Variants in HSPA12A observed in about 807,000 individuals in gnomAD.
HSPA12A encodes the protein heat shock 70 kDa protein 12A.
HSPA12A carries 28 observed loss-of-function variants against 69.2 expected under a neutral mutation model. The observed-to-expected ratio is 0.40, with a 90% confidence interval of 0.30 to 0.55. HSPA12A has a LOEUF of 0.55. Ranked by LOEUF, HSPA12A falls within the 20% of genes least tolerant of loss-of-function variation. The pLI, the probability that HSPA12A is intolerant of heterozygous loss-of-function variation, is 0.38. For synonymous variants in HSPA12A, 345 were observed against 370.5 expected, an observed-to-expected ratio of 0.93 and a Z score of 0.79; for missense variants, 686 against 900.7, an observed-to-expected ratio of 0.76 and a Z score of 3.05.
At chr10:116,839,534 T>C (rs996213796) in intron 1 of HSPA12A, among the ~76,000 whole-genome samples, 28 of 144,814 alleles carry the variant, frequency 1.9e-4, no homozygotes, top group Admixed American at 1.7e-3. Context: ...AAATACCCCA[T>C]TGAAAGAGAT....
intron 2 of HSPA12A, among the ~76,000 whole-genome samples, chr10:116,761,650 A>G (rs979134891): frequency 1.3e-4 from 20 of 152,036 alleles, no homozygotes; most frequent in Non-Finnish European, 1.3e-4. Context: ...TGAGCCCAGG[A>G]GCAGAGATCG....
chr10:116,754,566 G>A (rs746308568), intron 2 of HSPA12A, among the ~76,000 whole-genome samples: 4 of 152,306 alleles, frequency 2.6e-5, no homozygotes, highest in African/African-American at 7.2e-5. Flanking sequence ...GGTGTGTAAC[G>A]TGCATGTGAG....
chr10:116,674,512 T>C lies in HSPA12A; in HGVS notation c.*269A>G. The stretch of plus-strand genomic sequence containing the variant: ...GTACTGATTCCCTTCTCCGTGGCCA[T>C]TTCACCACTTTTGTACCTATGAAAA... On this transcript the variant is annotated 3_prime_UTR_variant, in exon 12 of 12. Coordinates refer to ENST00000369209, the MANE Select transcript of HSPA12A (RefSeq NM_025015.3). 1 of 488,800 alleles carries C rather than the reference T, an allele frequency of 2.0e-6. No homozygotes were observed. Among genetic ancestry groups the C allele is most frequent in the Non-Finnish European group, 3.7e-6 (1 of 271,598 alleles). 30.3% of individuals were successfully genotyped at this position (488,800 alleles called of 1,614,324 possible). A position where few individuals can be genotyped will look rare whatever the true frequency, so the allele number is the denominator to read the frequency against.
At chr10:116,774,244 C>T (rs1000762038) in intron 2 of HSPA12A, among the ~76,000 whole-genome samples, 5 of 152,038 alleles carry the variant, frequency 3.3e-5, no homozygotes, top group Non-Finnish European at 5.9e-5. Flanking sequence ...CTCCTGACCT[C>T]GTGATCCGCC....
At chr10:116,687,781 C>A (rs1849617224) in intron 6 of HSPA12A, among the ~76,000 whole-genome samples, 1 of 152,204 alleles carries the variant, frequency 6.6e-6, no homozygotes, top group East Asian at 1.9e-4. Flanking sequence ...GCTAATTCTG[C>A]CTTCAGAGAA....
intron 2 of HSPA12A, among the ~76,000 whole-genome samples, chr10:116,800,937 A>C (rs965748595): frequency 6.6e-6 from 1 of 152,204 alleles, no homozygotes; most frequent in African/African-American, 2.4e-5. Flanking sequence ...ACAGAGCAGA[A>C]GGGCTTCGAA....
intron 5 of HSPA12A, among the ~76,000 whole-genome samples, chr10:116,695,319 G>C (rs1849854371): frequency 6.6e-6 from 1 of 152,178 alleles, no homozygotes; most frequent in Non-Finnish European, 1.5e-5. Flanking sequence ...TGTTGAGTGG[G>C]AGGTGGGGCC....
At chr10:116,701,514 C>A (rs114979390) in intron 3 of HSPA12A, among the ~76,000 whole-genome samples, 2 of 152,334 alleles carry the variant, frequency 1.3e-5, no homozygotes, top group East Asian at 3.9e-4. Flanking sequence ...TAGCTTGAAT[C>A]CTGTCTGAAA....
At chr10:116,700,847 C>T (rs1209983160) in intron 4 of HSPA12A, 96 bp downstream of exon 4, 4 of 1,200,956 alleles carry the variant, frequency 3.3e-6, no homozygotes, top group East Asian at 4.7e-5. Flanking sequence ...CAGAGGGCCC[C>T]CTGGGTTGGG....
chr10:116,774,261 G>A (rs971432237), intron 2 of HSPA12A, among the ~76,000 whole-genome samples: 2 of 152,048 alleles, frequency 1.3e-5, no homozygotes, highest in Non-Finnish European at 2.9e-5. Context: ...CGCCCGCCTC[G>A]GCCTCCCAAA....
intron 10 of HSPA12A, among the ~76,000 whole-genome samples, chr10:116,678,722 A>G (rs1849315459): frequency 6.6e-6 from 1 of 152,210 alleles, no homozygotes; most frequent in Non-Finnish European, 1.5e-5. Flanking sequence ...TTAGAGGTAC[A>G]TACTGAAATA....
Position 116,707,190 on chromosome 10 carries a change from C to G in HSPA12A, c.126+10G>C. 2 of 1,563,602 alleles carry G rather than the reference C, an allele frequency of 1.3e-6. No homozygotes were observed. The highest frequency in any genetic ancestry group is 1.7e-6 in the Non-Finnish European group (2 of 1,143,232). Reference sequence around the variant, plus strand: ...ACACACACACACACACACACACACACACTTCTTACCACAATATGGGAGGGG... The same window carrying G: ...ACACACACACACACACACACACACAGACTTCTTACCACAATATGGGAGGGG... On this transcript the variant is annotated intron_variant, in intron 2 of 11. Coordinates refer to ENST00000369209, the MANE Select transcript of HSPA12A (RefSeq NM_025015.3).
At chr10:116,729,304 C>A (rs782328027) in intron 1 of HSPA12A, among the ~76,000 whole-genome samples, 2 of 152,206 alleles carry the variant, frequency 1.3e-5, no homozygotes, top group Admixed American at 6.5e-5. Context: ...AAAGTCCCTC[C>A]CTTTGGGGCA....
At chr10:116,768,712 A>G (rs1554890039) in intron 2 of HSPA12A, among the ~76,000 whole-genome samples, 1 of 152,076 alleles carries the variant, frequency 6.6e-6, no homozygotes, top group East Asian at 1.9e-4. Flanking sequence ...ACTATGTTGC[A>G]GAGACTGGTC....
intron 2 of HSPA12A, among the ~76,000 whole-genome samples, chr10:116,814,795 C>T (rs1332819681): frequency 6.6e-6 from 1 of 152,210 alleles, no homozygotes; most frequent in African/African-American, 2.4e-5. Context: ...ACCACCATCA[C>T]CTTGCTGGGA....
chr10:116,767,133 A>G (rs1217136899), intron 2 of HSPA12A, among the ~76,000 whole-genome samples: 1 of 152,082 alleles, frequency 6.6e-6, no homozygotes, highest in African/African-American at 2.4e-5. Context: ...CAGGTTCCTG[A>G]TGAGTCTGCT....
intron 2 of HSPA12A, among the ~76,000 whole-genome samples, chr10:116,774,175 A>C (rs1490391064): frequency 6.6e-6 from 1 of 151,824 alleles, no homozygotes; most frequent in Non-Finnish European, 1.5e-5. Context: ...ACGCCCGGCT[A>C]ATTTTTTGTA....
chr10:116,819,640 G>C (rs1845373934), intron 2 of HSPA12A, among the ~76,000 whole-genome samples: 2 of 152,266 alleles, frequency 1.3e-5, no homozygotes, highest in African/African-American at 4.8e-5. Context: ...AATGTCTGTT[G>C]TTTGTAAATT....
intron 2 of HSPA12A, among the ~76,000 whole-genome samples, chr10:116,802,970 C>T (rs1462166302): frequency 6.6e-6 from 1 of 152,214 alleles, no homozygotes; most frequent in Non-Finnish European, 1.5e-5. Context: ...ACGAAGGAGA[C>T]CCGTGGAACA....
Sources: allele counts gnomAD v4.1 joint callset (sites outside exome capture counted in the v4.1 genomes callset), GRCh38; gene constraint gnomAD v4.1.1; transcripts MANE v1.5; gene names NCBI Gene and HGNC (gene_info 2026-07-23, HGNC 2026-07-21).